The following SHC3 variants were observed in gnomAD, a reference collection of about 807,000 sequenced individuals.
SHC3 encodes SHC adaptor protein 3.
In SHC3, 15 loss-of-function variants were observed where a neutral mutation model predicts 60.4. The ratio of observed to expected loss-of-function variants is 0.25; its 90% CI spans 0.17 to 0.38. The LOEUF is 0.38. Among genes scored for constraint, SHC3 ranks in the 10% least tolerant of loss-of-function variants. SHC3 has a pLI of 1.00. For synonymous variants in SHC3, 294 were observed against 325.9 expected (o/e 0.90, Z 1.05); for missense variants, 677 against 786.1 (o/e 0.86, Z 1.66).
chr9:89,043,327 A>G (rs1376018229), intron 9 of SHC3, among the ~76,000 whole-genome samples: 1 of 152,316 alleles, frequency 6.6e-6, no homozygotes, highest in Admixed American at 6.5e-5. Flanking sequence ...ATTTCTCAAC[A>G]TGCTTTCTAC....
chr9:89,076,712 G>A (rs963455632), intron 3 of SHC3, among the ~76,000 whole-genome samples: 1 of 152,134 alleles, frequency 6.6e-6, no homozygotes, highest in African/African-American at 2.4e-5. Flanking sequence ...TCCGTTCACA[G>A]TTGTCATCAT....
chr9:89,038,269 G>A lies in SHC3; in HGVS notation c.1380C>T (p.Leu460=). ...ACACGGGCCCCAAGGGCTGGTTCTTGAGAGCATCTTCAAAAGGTTCTGTCA... is the reference window on the plus strand; with the variant it reads ...ACACGGGCCCCAAGGGCTGGTTCTTAAGAGCATCTTCAAAAGGTTCTGTCA... ...LFDMKPFEDA[L]KNQPLGPVLS... Residue 460 remains leucine (L), a synonymous_variant, in exon 11 of 12, where the codon CTC becomes CTT. Transcript: ENST00000375835. 1 of 1,611,966 alleles carries A rather than the reference G, an allele frequency of 6.2e-7. No individual in the cohort carries two copies. The highest frequency in any genetic ancestry group is 8.5e-7 in the Non-Finnish European group (1 of 1,179,128).
At chr9:89,075,027 G>A (rs1825333974) in intron 4 of SHC3, 82 bp downstream of exon 4, 1 of 1,543,132 alleles carries the variant, frequency 6.5e-7, no homozygotes, top group East Asian at 2.3e-5. Flanking sequence ...TGTGAGCTCA[G>A]TAAAGCTGCA....
At chr9:89,091,176 A>C (rs1051328776) in intron 2 of SHC3, among the ~76,000 whole-genome samples, 1 of 152,260 alleles carries the variant, frequency 6.6e-6, no homozygotes, top group African/African-American at 2.4e-5. Context: ...AATATGTTAG[A>C]GTGCATAAGA....
At chr9:89,049,089 A>G (rs1257013155) in intron 7 of SHC3, among the ~76,000 whole-genome samples, 4 of 152,128 alleles carry the variant, frequency 2.6e-5, no homozygotes, top group Non-Finnish European at 4.4e-5. Context: ...GTGAAATCCC[A>G]TCTCTACTAA....
intron 9 of SHC3, among the ~76,000 whole-genome samples, chr9:89,043,460 GAGA>G (rs992038980): frequency 9.2e-5 from 14 of 152,074 alleles, no homozygotes; most frequent in African/African-American, 3.4e-4. Context: ...ATTTTAAAAG[GAGA>G]AGATCAAGAG....
chr9:89,118,650 C>G (rs1375618729), intron 1 of SHC3, among the ~76,000 whole-genome samples: 1 of 150,796 alleles, frequency 6.6e-6, no homozygotes, highest in Non-Finnish European at 1.5e-5. Flanking sequence ...AGACAGGTTA[C>G]TTAAAAAGGA....
chr9:89,106,108 C>T (rs74835069), intron 2 of SHC3, among the ~76,000 whole-genome samples: 2,094 of 152,244 alleles, frequency 0.014, 20 homozygotes, highest in Middle Eastern at 0.038. Flanking sequence ...TGGATGAGGA[C>T]CCCAGCCCTA....
intron 7 of SHC3, among the ~76,000 whole-genome samples, chr9:89,047,871 C>A (rs1824798788): frequency 1.3e-5 from 2 of 152,116 alleles, no homozygotes; most frequent in South Asian, 4.1e-4. Flanking sequence ...AATTTCACTC[C>A]CAGGTATATA....
intron 10 of SHC3, among the ~76,000 whole-genome samples, chr9:89,039,637 C>G (rs1030509248): frequency 1.3e-5 from 2 of 151,928 alleles, no homozygotes; most frequent in South Asian, 2.1e-4. Flanking sequence ...TCGTCGCCAT[C>G]GTCATCACCA....
At chr9:89,066,633 C>G (rs7032982) in intron 5 of SHC3, among the ~76,000 whole-genome samples, 110,470 of 152,020 alleles carry the variant, frequency 0.73, 43,554 homozygotes, top group East Asian at 0.98. Flanking sequence ...ATTCAAGACT[C>G]TGTGGGGCAA....
chr9:89,146,519 A>C (rs745479580), intron 1 of SHC3, among the ~76,000 whole-genome samples: 2 of 152,196 alleles, frequency 1.3e-5, no homozygotes, highest in Non-Finnish European at 2.9e-5. Context: ...AATTAGGTCT[A>C]AATAAGTGCT....
At chr9:89,111,164 G>A (rs1825941870) in intron 2 of SHC3, among the ~76,000 whole-genome samples, 1 of 152,144 alleles carries the variant, frequency 6.6e-6, no homozygotes, top group South Asian at 2.1e-4. Context: ...ATTACATCAG[G>A]AGAACTAAAA....
intron 4 of SHC3, among the ~76,000 whole-genome samples, chr9:89,072,469 C>A (rs779422306): frequency 6.6e-6 from 1 of 152,024 alleles, no homozygotes; most frequent in Non-Finnish European, 1.5e-5. Flanking sequence ...AAGCCAGCAT[C>A]CAAGATTCCA....
Position 89,007,025 on chromosome 9 carries a change from C to A in SHC3, c.*6422G>T, listed in dbSNP as rs967430370. 6.6e-6 allele frequency: 1 copy of A among 152,200 alleles called. No individual in the cohort carries two copies. The highest frequency in any genetic ancestry group is 2.4e-5 in the African/African-American group (1 of 41,448). 9.4% of individuals were successfully genotyped at this position (152,200 alleles called of 1,614,324 possible). A position where few individuals can be genotyped will look rare whatever the true frequency, so the allele number is the denominator to read the frequency against. Reference sequence around the variant, plus strand: ...CAAGGTGAGACAACAAAATAGACACCTAAAATTGTATGAGATTTTATTCCT... The same window carrying A: ...CAAGGTGAGACAACAAAATAGACACATAAAATTGTATGAGATTTTATTCCT... On this transcript the variant is annotated 3_prime_UTR_variant, in exon 12 of 12. Transcript: ENST00000375835.
chr9:89,109,531 G>C (rs2118105100), intron 2 of SHC3: 1 of 985,512 alleles, frequency 1.0e-6, no homozygotes, highest in Non-Finnish European at 1.2e-6. Flanking sequence ...AGCCAGAAGT[G>C]ACCTGAGAGC....
chr9:89,142,530 C>T lies in SHC3; in HGVS notation c.475-29904G>A, dbSNP rs191475629. On this transcript the variant is annotated intron_variant, in intron 1 of 11. Coordinates refer to ENST00000375835, the MANE Select transcript of SHC3 (RefSeq NM_016848.6). ...AAATCCCATCTCTATTAAAAATACA[C>T]AAATTAGCCAGGTGTGGTGGTGGGT... 1.1e-3 allele frequency among the ~76,000 whole-genome samples: 164 copies of T among 150,586 alleles called. 1 individual carries two copies. The highest frequency in any genetic ancestry group is 2.0e-3 in the Non-Finnish European group (138 of 67,536).
chr9:89,119,119 T>C (rs1826056006), intron 1 of SHC3, among the ~76,000 whole-genome samples: 1 of 151,994 alleles, frequency 6.6e-6, no homozygotes, highest in African/African-American at 2.4e-5. Context: ...CGGAACTGAG[T>C]AGTTCTAGGT....
At chr9:89,044,826 A>G (rs1042091976) in intron 9 of SHC3, among the ~76,000 whole-genome samples, 1 of 152,210 alleles carries the variant, frequency 6.6e-6, no homozygotes, top group Non-Finnish European at 1.5e-5. Context: ...TTATATCGAC[A>G]TTAGTTTTAA....
Sources: gnomAD v4.1 joint callset for allele counts (sites outside exome capture counted in the v4.1 genomes callset) on GRCh38, gnomAD v4.1.1 for gene constraint, MANE v1.5 for transcripts, NCBI Gene and HGNC (gene_info 2026-07-23, HGNC 2026-07-21) for gene names.